ADAMTS20: variants seen among roughly 807,000 people sequenced by gnomAD.
ADAMTS20 encodes the protein ADAM metallopeptidase with thrombospondin type 1 motif 20.
Under a neutral mutation model 260.1 loss-of-function variants are expected in ADAMTS20, and 225 were observed. That is an observed-to-expected ratio of 0.87 (90% CI 0.78 to 0.97). ADAMTS20 has a LOEUF of 0.97. Among genes scored for constraint, ADAMTS20 ranks in the 50% least tolerant of loss-of-function variants. The pLI is 0.00. For missense variants in ADAMTS20, 2,400 were observed against 2,337.7 expected (o/e 1.03, Z -0.55); for synonymous variants, 802 against 769.5 (o/e 1.04, Z -0.70).
intron 28 of ADAMTS20, among the ~76,000 whole-genome samples, chr12:43,418,047 C>A (rs1941164382): frequency 6.6e-6 from 1 of 152,172 alleles, no homozygotes; most frequent in South Asian, 2.1e-4. Flanking sequence ...TTTAAGCACA[C>A]AGACTTTTGC....
chr12:43,356,294 T>G (rs1212144152), intron 38 of ADAMTS20, among the ~76,000 whole-genome samples, 190 bp downstream of exon 38: 1 of 152,222 alleles, frequency 6.6e-6, no homozygotes, highest in Non-Finnish European at 1.5e-5. Flanking sequence ...CACATGCACA[T>G]TAATACAAAT....
intron 2 of ADAMTS20, among the ~76,000 whole-genome samples, chr12:43,543,453 G>A (rs1372790454): frequency 6.6e-6 from 1 of 152,156 alleles, no homozygotes; most frequent in Non-Finnish European, 1.5e-5. Flanking sequence ...TAGCAAGTTG[G>A]GGTTAGGGTT....
At chr12:43,517,873 T>C (rs533916353) in intron 3 of ADAMTS20, among the ~76,000 whole-genome samples, 2 of 152,214 alleles carry the variant, frequency 1.3e-5, no homozygotes, top group East Asian at 3.9e-4. Flanking sequence ...ACAATATAGA[T>C]ACTTCTTGAA....
At position 43,516,138 on chromosome 12, in the gene ADAMTS20, A is replaced by G. The variant is rs371743568; in HGVS notation, c.614-13733T>C. On this transcript the variant is annotated intron_variant, in intron 3 of 38. Transcript: ENST00000389420. Reference sequence around the variant, plus strand: ...TGAGATGCTCGCCACATGAAACACTATATTTGTTTCCTGTCCTGGTGATGG... The same window carrying G: ...TGAGATGCTCGCCACATGAAACACTGTATTTGTTTCCTGTCCTGGTGATGG... Among the ~76,000 whole-genome samples, 37 of 152,118 alleles carry G rather than the reference A, an allele frequency of 2.4e-4. No individual in the cohort carries two copies. In the South Asian group the frequency reaches 7.1e-3, roughly 29 times the overall value.
At chr12:43,542,965 G>C (rs1439334917) in intron 2 of ADAMTS20, among the ~76,000 whole-genome samples, 2 of 152,164 alleles carry the variant, frequency 1.3e-5, no homozygotes, top group Non-Finnish European at 2.9e-5. Flanking sequence ...AGTTCCAGAA[G>C]GTAGAACCAA....
In ADAMTS20 at chr12:43,369,393, T is replaced by G; in HGVS notation, c.5447-12A>C. The G allele has an allele frequency of 6.9e-7, 1 of 1,458,086 alleles. No homozygotes were observed. The highest frequency in any genetic ancestry group is 9.1e-7 in the Non-Finnish European group (1 of 1,096,226). The allele number at this position is 1,458,086 out of a possible 1,614,324, so 90.3% of individuals were successfully genotyped here. A position where few individuals can be genotyped will look rare whatever the true frequency, so the allele number is the denominator to read the frequency against. ...AAGAAGGTCCGTAGCTAGAAAATAA[T>G]AAATAAAACTCTTTAGCATGGAGAC... On this transcript the variant is annotated splice_polypyrimidine_tract_variant and intron_variant, in intron 36 of 38. Transcript: ENST00000389420.
chr12:43,541,177 T>G (rs1230486485), intron 2 of ADAMTS20, among the ~76,000 whole-genome samples: 1 of 152,138 alleles, frequency 6.6e-6, no homozygotes, highest in Non-Finnish European at 1.5e-5. Context: ...ACTGCTGAAG[T>G]GTTGACTAAA....
intron 19 of ADAMTS20, among the ~76,000 whole-genome samples, chr12:43,433,177 G>A (rs1234503173): frequency 1.3e-5 from 2 of 152,084 alleles, no homozygotes; most frequent in South Asian, 2.1e-4. Context: ...TTTATGACCA[G>A]GGAACGTCTA....
intron 7 of ADAMTS20, among the ~76,000 whole-genome samples, chr12:43,481,102 T>C (rs1330450957): frequency 1.3e-5 from 2 of 152,140 alleles, no homozygotes; most frequent in African/African-American, 4.8e-5. Flanking sequence ...AAAAATAATA[T>C]TAATTTTAAA....
At chr12:43,389,528 T>C (rs2137236683) in intron 29 of ADAMTS20, among the ~76,000 whole-genome samples, 1 of 152,230 alleles carries the variant, frequency 6.6e-6, no homozygotes, top group African/African-American at 2.4e-5. Context: ...CATTGCCCCA[T>C]GGCTTTGTTG....
chr12:43,429,794 A>G, intron 23 of ADAMTS20, 70 bp from the exon 24 acceptor site: 2 of 998,374 alleles, frequency 2.0e-6, no homozygotes, highest in East Asian at 2.7e-5. Context: ...CTAATACTTC[A>G]CTTCTTCTGT....
At chr12:43,391,932 C>A (rs754114961) in intron 29 of ADAMTS20, among the ~76,000 whole-genome samples, 1 of 152,068 alleles carries the variant, frequency 6.6e-6, no homozygotes, top group Admixed American at 6.6e-5. Context: ...AAGCAGCAAC[C>A]ACCAACTTCA....
chr12:43,364,819 T>C (rs899166784), intron 37 of ADAMTS20, among the ~76,000 whole-genome samples: 5 of 152,108 alleles, frequency 3.3e-5, no homozygotes, highest in African/African-American at 1.2e-4. Flanking sequence ...AAATAATGAC[T>C]GAAAATTTTC....
At chr12:43,512,598 G>A (rs917414098) in intron 3 of ADAMTS20, among the ~76,000 whole-genome samples, 1 of 151,978 alleles carries the variant, frequency 6.6e-6, no homozygotes, top group Non-Finnish European at 1.5e-5. Context: ...TTTTCAAAGA[G>A]TTTCACGAGT....
chr12:43,526,790 A>C (rs1943149448), intron 3 of ADAMTS20, among the ~76,000 whole-genome samples: 1 of 152,234 alleles, frequency 6.6e-6, no homozygotes, highest in Non-Finnish European at 1.5e-5. Flanking sequence ...GAGAAATAAG[A>C]ACAAACTAAA....
chr12:43,356,514 A>G lies in ADAMTS20; in HGVS notation c.5613T>C (p.Ser1871=), dbSNP rs1939746909. The G allele has an allele frequency of 6.2e-7, 1 of 1,610,136 alleles. No homozygotes were observed. Among genetic ancestry groups the G allele is most frequent in the Non-Finnish European group, 8.5e-7 (1 of 1,178,096 alleles). ...SSTAKWLTQG[S]YTSVSIRRSE... Reference sequence around the variant, plus strand: ...ATCTTCGTATGCTGACAGAGGTATAACTCCCCTGAGTGAGCCACTTTGCTG... The same window carrying G: ...ATCTTCGTATGCTGACAGAGGTATAGCTCCCCTGAGTGAGCCACTTTGCTG... The change falls in exon 38 of 39, where the codon AGT becomes AGC. Residue 1871 remains serine (S), a synonymous_variant. Coordinates refer to ENST00000389420, the MANE Select transcript of ADAMTS20 (RefSeq NM_025003.5).
chr12:43,399,521 C>T (rs910527677), intron 28 of ADAMTS20, among the ~76,000 whole-genome samples: 1 of 152,120 alleles, frequency 6.6e-6, no homozygotes, highest in African/African-American at 2.4e-5. Context: ...AACAATGCTT[C>T]AAATCTTTTA....
At chr12:43,387,393 C>G (rs1430640213) in intron 29 of ADAMTS20, among the ~76,000 whole-genome samples, 2 of 152,144 alleles carry the variant, frequency 1.3e-5, no homozygotes, top group African/African-American at 2.4e-5. Flanking sequence ...CATCAGATGC[C>G]AGCTGGAGCT....
intron 28 of ADAMTS20, among the ~76,000 whole-genome samples, chr12:43,413,136 G>A (rs754920905): frequency 1.1e-4 from 17 of 152,020 alleles, no homozygotes; most frequent in Non-Finnish European, 2.4e-4. Context: ...TAGTGTATCA[G>A]TATAAATTTT....
Sources: gnomAD v4.1 joint callset for allele counts (sites outside exome capture counted in the v4.1 genomes callset) on GRCh38, gnomAD v4.1.1 for gene constraint, MANE v1.5 for transcripts, NCBI Gene and HGNC (gene_info 2026-07-23, HGNC 2026-07-21) for gene names.